The following SYNE1 variants were observed in gnomAD, a reference collection of about 807,000 sequenced individuals.
SYNE1 encodes the protein spectrin repeat containing nuclear envelope protein 1, also known as nesprin-1.
SYNE1 carries 616 observed loss-of-function variants against 1,111.0 expected under a neutral mutation model. The observed-to-expected ratio is 0.55, with a 90% CI of 0.52 to 0.59. SYNE1 has a LOEUF of 0.59. SYNE1 is among the 20% of genes least tolerant of loss of function. SYNE1 has a pLI of 0.00. For synonymous variants in SYNE1, 3,855 were observed against 3,825.8 expected (o/e 1.01, Z -0.28); for missense variants, 10,006 against 10,417.0 (o/e 0.96, Z 1.72).
At chr6:152,211,391 T>C in intron 124 of SYNE1, 103 bp downstream of exon 124, 1 of 943,932 alleles carries the variant, frequency 1.1e-6, no homozygotes, top group South Asian at 1.4e-5. Flanking sequence ...TACAGTTCAA[T>C]TGCCTCAGGA....
chr6:152,359,232 T>C, intron 65 of SYNE1, 83 bp downstream of exon 65: 1 of 1,584,418 alleles, frequency 6.3e-7, no homozygotes, highest in South Asian at 1.1e-5. Context: ...CCTGTCATTC[T>C]TGAACATAAA....
chr6:152,363,425 C>T (rs978742728), intron 63 of SYNE1, among the ~76,000 whole-genome samples: 8 of 150,710 alleles, frequency 5.3e-5, no homozygotes, highest in East Asian at 4.0e-4. Context: ...ACCCGGGAGG[C>T]GGAGCTCGCA....
intron 2 of SYNE1, 66 bp from the exon 3 acceptor site, chr6:152,628,620 A>G (rs1249859416): frequency 2.5e-6 from 1 of 398,404 alleles, no homozygotes; most frequent in Non-Finnish European, 4.5e-6. Context: ...ACAGTGCTAA[A>G]AGGAGAAATA....
At chr6:152,415,419 A>G (rs183396339) in intron 41 of SYNE1, among the ~76,000 whole-genome samples, 5 of 151,860 alleles carry the variant, frequency 3.3e-5, no homozygotes, top group Admixed American at 2.6e-4. Context: ...CAGAGCTCAA[A>G]TGACAGTTCA....
intron 3 of SYNE1, among the ~76,000 whole-genome samples, chr6:152,591,920 T>A (rs916459135): frequency 6.6e-6 from 1 of 152,028 alleles, no homozygotes; most frequent in African/African-American, 2.4e-5. Context: ...ATATAAGAAA[T>A]GCTCAACATC....
chr6:152,544,416 G>A (rs2099295683), intron 3 of SYNE1, among the ~76,000 whole-genome samples: 1 of 152,054 alleles, frequency 6.6e-6, no homozygotes, highest in African/African-American at 2.4e-5. Flanking sequence ...TCATCCTTGA[G>A]GCTCACATTG....
At chr6:152,491,368 C>T (rs559398738) in intron 11 of SYNE1, among the ~76,000 whole-genome samples, 1 of 152,238 alleles carries the variant, frequency 6.6e-6, no homozygotes, top group Admixed American at 6.5e-5. Flanking sequence ...CACATTACAG[C>T]CCAGGGCTGC....
chr6:152,450,701 C>T lies in SYNE1; in HGVS notation c.3319G>A (p.Glu1107Lys). 1 of 1,614,104 alleles carries T rather than the reference C, an allele frequency of 6.2e-7. No homozygotes were observed. The highest frequency in any genetic ancestry group is 8.5e-7 in the Non-Finnish European group (1 of 1,180,018). The change falls in exon 27 of 146, where the codon GAG becomes AAG. Residue 1107 changes from glutamate (E) to lysine (K), a missense_variant. Around this residue, in one of 7 missense-constraint regions of SYNE1, gnomAD observed 1,971 missense variants for 2,084.1 expected, o/e 0.95. Transcript: ENST00000367255. ...GTGCTGTCAATGGCAGCTCTGAGCT[C>T]TTTGAGAGTCACGTGACAGGTTCCA... ...TPGTCHVTLK[E>K]LRAAIDSTYR...
chr6:152,436,789 T>A (rs1183525788), intron 32 of SYNE1, among the ~76,000 whole-genome samples: 1 of 152,214 alleles, frequency 6.6e-6, no homozygotes, highest in Non-Finnish European at 1.5e-5. Flanking sequence ...TCAATAGTGA[T>A]TGATCATAGA....
chr6:152,427,725 C>T lies in SYNE1; in HGVS notation c.5068G>A (p.Val1690Ile). The part of the protein sequence containing the change: ...SPEMDISADR[V>I]KVEGELQLIQ... ...AACTGAAGTTCACCTTCCACTTTGA[C>T]TCTGTCTGCAGAAATGTCCATTTCT... The change falls in exon 38 of 146, where the codon GTC becomes ATC. Residue 1690 changes from valine to isoleucine, a missense_variant. Around this residue, in one of 7 missense-constraint regions of SYNE1, gnomAD observed 1,971 missense variants for 2,084.1 expected, o/e 0.95. Coordinates refer to ENST00000367255, the MANE Select transcript of SYNE1 (RefSeq NM_182961.4). The T allele has an allele frequency of 6.2e-7, 1 of 1,614,152 alleles. No homozygotes were observed.
chr6:152,176,636 G>A, intron 129 of SYNE1, 76 bp from the exon 130 acceptor site: 2 of 1,403,256 alleles, frequency 1.4e-6, no homozygotes, highest in Non-Finnish European at 2.0e-6. Flanking sequence ...CTAGAAACAT[G>A]ATGATTACTG....
chr6:152,155,122 G>T, intron 132 of SYNE1, 80 bp from the exon 133 acceptor site: 1 of 1,570,138 alleles, frequency 6.4e-7, no homozygotes, highest in Non-Finnish European at 8.8e-7. Context: ...GCCTGCGACT[G>T]GATTAAGGGT....
rs911648663 is a variant in SYNE1, at chr6:152,344,085, T to C, written c.12221A>G (p.Lys4074Arg). The change falls in exon 74 of 146, where the codon AAG (lysine) becomes AGG (arginine). Residue 4074 changes from lysine (K) to arginine (R), a missense_variant. Around this residue, in one of 7 missense-constraint regions of SYNE1, gnomAD observed 4,955 missense variants for 5,017.2 expected, o/e 0.99. Coordinates refer to ENST00000367255, the MANE Select transcript of SYNE1 (RefSeq NM_182961.4). ...QPPLSRAEAI[K>R]QVKHFRALQE... Reference sequence around the variant, plus strand: ...AAACTTTCAGGAGTTTACTACCTGCTTAATGGCTTCTGCCCTACTAAGAGG... The same window carrying C: ...AAACTTTCAGGAGTTTACTACCTGCCTAATGGCTTCTGCCCTACTAAGAGG... 1.2e-6 allele frequency: 2 copies of C among 1,614,104 alleles called. No homozygotes were observed. The highest frequency in any genetic ancestry group is 2.7e-5 in the African/African-American group (2 of 74,928).
chr6:152,534,218 A>T (rs2154361710), intron 4 of SYNE1, among the ~76,000 whole-genome samples: 1 of 150,104 alleles, frequency 6.7e-6, no homozygotes, highest in African/African-American at 2.4e-5. Flanking sequence ...ATAAATAAAT[A>T]AAATAATATA....
chr6:152,474,511 C>G (rs79835838), intron 14 of SYNE1: 1 of 152,100 alleles, frequency 6.6e-6, no homozygotes, highest in African/African-American at 2.4e-5. Context: ...TAGTCAGAAC[C>G]CTCAATGAGG....
intron 136 of SYNE1, 43 bp downstream of exon 136, chr6:152,149,434 C>T (rs755495548): frequency 4.3e-6 from 7 of 1,611,116 alleles, no homozygotes; most frequent in African/African-American, 1.3e-5. Flanking sequence ...ACGACTTATT[C>T]TCTTTAGATT....
At position 152,309,985 on chromosome 6, in the gene SYNE1, C is replaced by T. The variant is rs148994723; in HGVS notation, c.17052G>A (p.Pro5684=). ...GGCAGAGCTGCACTGCTTGCACCTT[C>T]GGCTTCAGTGACTCCATCTCAGACA... ...HLLSEMESLK[P]KVQAVQLCQS... is the part of the protein sequence containing the mutation. The change falls in exon 90 of 146, where the codon CCG becomes CCA. Residue 5684 remains proline (P), a synonymous_variant. Transcript: ENST00000367255. The T allele has an allele frequency of 7.2e-5, 117 of 1,614,078 alleles. 1 individual carries two copies. The highest frequency in any genetic ancestry group is 8.9e-5 in the East Asian group (4 of 44,890).
intron 94 of SYNE1, 59 bp from the exon 95 acceptor site, chr6:152,293,808 AC>A: frequency 6.2e-7 from 1 of 1,613,124 alleles, no homozygotes; most frequent in Admixed American, 1.7e-5. Flanking sequence ...TCAGATTACA[AC>A]ATTTCTTTCT....
At chr6:152,543,945 CCCA>C (rs1401231664) in intron 3 of SYNE1, among the ~76,000 whole-genome samples, 1 of 152,152 alleles carries the variant, frequency 6.6e-6, no homozygotes, top group Non-Finnish European at 1.5e-5. Flanking sequence ...CTACAGAGTT[CCCA>C]CAATGATGAA....
Sources: allele counts gnomAD v4.1 joint callset (sites outside exome capture counted in the v4.1 genomes callset), GRCh38; gene constraint gnomAD v4.1.1; regional missense constraint gnomAD v4.1.1; transcripts MANE v1.5; gene names NCBI Gene and HGNC (gene_info 2026-07-23, HGNC 2026-07-21).